Variants in DNAH11 observed in about 807,000 individuals in gnomAD.
The protein encoded by DNAH11 is dynein axonemal heavy chain 11.
In DNAH11, 442 loss-of-function variants were observed where a neutral mutation model predicts 526.0. That is an observed-to-expected ratio of 0.84 (90% CI 0.78 to 0.91). The LOEUF is 0.91. Among genes scored for constraint, DNAH11 ranks in the 40% least tolerant of loss-of-function variants. The pLI is 0.00. For synonymous variants in DNAH11, 2,461 were observed against 1,935.9 expected, an observed-to-expected ratio of 1.27 and a Z score of -7.12; for missense variants, 6,989 against 5,448.7, an observed-to-expected ratio of 1.28 and a Z score of -8.90.
intron 54 of DNAH11, among the ~76,000 whole-genome samples, chr7:21,756,481 C>CA (rs1203848752): frequency 6.6e-6 from 1 of 152,028 alleles, no homozygotes; most frequent in Non-Finnish European, 1.5e-5. Flanking sequence ...GATCACCTTC[C>CA]TTTTCTACAT....
chr7:21,848,728 T>C (rs1366105903), intron 66 of DNAH11, among the ~76,000 whole-genome samples: 1 of 152,166 alleles, frequency 6.6e-6, no homozygotes, highest in Non-Finnish European at 1.5e-5. Context: ...CTGCCTTCTT[T>C]GGTTTTAAGC....
At chr7:21,562,983 TACTTG>T (rs1197832562) in intron 5 of DNAH11, among the ~76,000 whole-genome samples, 1 of 152,146 alleles carries the variant, frequency 6.6e-6, no homozygotes, top group Non-Finnish European at 1.5e-5. Context: ...AACTAGAATT[TACTTG>T]ACTTTGTTCC....
intron 26 of DNAH11, 149 bp from the exon 27 acceptor site, chr7:21,637,462 G>A (rs2128459851): frequency 1.6e-6 from 1 of 612,430 alleles, no homozygotes; most frequent in South Asian, 2.3e-5. Context: ...AAAAGCAAAA[G>A]TAAACAGATG....
At chr7:21,794,168 G>A (rs1256100467) in intron 61 of DNAH11, among the ~76,000 whole-genome samples, 1 of 152,090 alleles carries the variant, frequency 6.6e-6, no homozygotes, top group East Asian at 1.9e-4. Context: ...TTATCTTGGA[G>A]TCGGCTGAGT....
At chr7:21,783,828 T>A (rs569980070) in intron 57 of DNAH11, among the ~76,000 whole-genome samples, 1 of 152,332 alleles carries the variant, frequency 6.6e-6, no homozygotes, top group South Asian at 2.1e-4. Flanking sequence ...AGATGTGGGC[T>A]CTTGCATCTC....
rs555149190 is a variant in DNAH11 at position 21,717,453 on chromosome 7, A to G, written c.6984-322A>G. ...CATAAATAAGGCCTACACTATGGGAATAGTTTCAGCCCTTCAGGAAATGAC... is the reference window on the plus strand; with the variant it reads ...CATAAATAAGGCCTACACTATGGGAGTAGTTTCAGCCCTTCAGGAAATGAC... On this transcript the variant is annotated intron_variant, in intron 42 of 81. Coordinates refer to ENST00000409508, the MANE Select transcript of DNAH11 (RefSeq NM_001277115.2). Among the ~76,000 whole-genome samples the G allele has an allele frequency of 1.4e-4, 22 of 152,296 alleles. No individual in the cohort carries two copies. The East Asian group carries it at 3.9e-3, about 27-fold the overall frequency.
rs548523600 is a variant in DNAH11 at position 21,709,260 on chromosome 7, A to G, written c.6684-1293A>G. Among the ~76,000 whole-genome samples, 4 of 152,352 alleles carry G rather than the reference A, an allele frequency of 2.6e-5. No homozygotes were observed. In the South Asian group the frequency reaches 8.3e-4, roughly 32 times the overall value. ...TGTAGCCATAAAAAAGGACAACATC[A>G]TGTTTTTTTCAGCAACATGGATGTA... On this transcript the variant is annotated intron_variant, in intron 40 of 81. Coordinates refer to ENST00000409508, the MANE Select transcript of DNAH11 (RefSeq NM_001277115.2).
At chr7:21,636,916 G>C (rs1390459560) in intron 26 of DNAH11, among the ~76,000 whole-genome samples, 17 of 152,142 alleles carry the variant, frequency 1.1e-4, no homozygotes, top group Admixed American at 1.0e-3. Flanking sequence ...TACTAGTTTC[G>C]GTTTTTCTTT....
chr7:21,686,191 C>T (rs1783368220), intron 32 of DNAH11, among the ~76,000 whole-genome samples: 1 of 152,128 alleles, frequency 6.6e-6, no homozygotes, highest in South Asian at 2.1e-4. Flanking sequence ...TTACCTTTGG[C>T]CTTCTGAATA....
At chr7:21,828,940 C>T (rs1790427504) in intron 65 of DNAH11, among the ~76,000 whole-genome samples, 1 of 152,000 alleles carries the variant, frequency 6.6e-6, no homozygotes. Context: ...GTTTTCTTTC[C>T]TTCTTTTCCT....
In DNAH11 at chr7:21,789,258, G is replaced by A. The variant is rs370271115; in HGVS notation, c.9942G>A (p.Glu3314=). 4.1e-5 allele frequency: 65 copies of A among 1,572,218 alleles called. No individual in the cohort carries two copies. The African/African-American group carries it at 7.3e-4, about 18-fold the overall frequency. Residue 3314 remains glutamate, a synonymous_variant, in exon 61 of 82, where the codon GAG becomes GAA. Coordinates refer to ENST00000409508, the MANE Select transcript of DNAH11 (RefSeq NM_001277115.2). ...ATTTTCAGGTCTACTGTGATGTGGA[G>A]CCAAAACGCCAAGCATTAGCCCAAG... The part of the protein sequence containing the change: ...IKFYEVYCDV[E]PKRQALAQAN...
In DNAH11 at chr7:21,789,150, A is replaced by C. The variant is rs188595652; in HGVS notation, c.9925-91A>C. On this transcript the variant is annotated intron_variant, in intron 60 of 81. Transcript: ENST00000409508. ...TAAAAAAAGAGAAGTTGCTAGATGAATTAGAGATTTTAATTGTAAAGCATC... is the reference window on the plus strand; with the variant it reads ...TAAAAAAAGAGAAGTTGCTAGATGACTTAGAGATTTTAATTGTAAAGCATC... 1.9e-5 allele frequency: 18 copies of C among 939,056 alleles called. No homozygotes were observed. The East Asian group carries it at 4.5e-4, about 24-fold the overall frequency. 58.2% of individuals were successfully genotyped at this position (939,056 alleles called of 1,614,324 possible).
intron 76 of DNAH11, among the ~76,000 whole-genome samples, chr7:21,888,814 T>C (rs1326160688): frequency 6.6e-6 from 1 of 152,182 alleles, no homozygotes; most frequent in Non-Finnish European, 1.5e-5. Context: ...TTTTTGATTA[T>C]ATTTTCATGA....
At chr7:21,814,135 A>G (rs905972909) in intron 63 of DNAH11, among the ~76,000 whole-genome samples, 1 of 152,144 alleles carries the variant, frequency 6.6e-6, no homozygotes, top group Non-Finnish European at 1.5e-5. Flanking sequence ...AATCTATCCA[A>G]ATATAGAAAA....
At chr7:21,695,305 A>G (rs571607585) in intron 35 of DNAH11, among the ~76,000 whole-genome samples, 2 of 152,334 alleles carry the variant, frequency 1.3e-5, no homozygotes, top group Admixed American at 1.3e-4. Flanking sequence ...AAGCAAAAAG[A>G]ATAAAGCTGG....
At chr7:21,571,102 C>T (rs1032291787) in intron 7 of DNAH11, among the ~76,000 whole-genome samples, 1 of 152,234 alleles carries the variant, frequency 6.6e-6, no homozygotes, top group African/African-American at 2.4e-5. Flanking sequence ...ATATGCCTTC[C>T]TTAACAGTTT....
chr7:21,600,966 G>GGCTTTTCACT, intron 16 of DNAH11, 36 bp downstream of exon 16: 1 of 1,611,330 alleles, frequency 6.2e-7, no homozygotes, highest in East Asian at 2.2e-5. Flanking sequence ...GTAGTGAAAT[G>GGCTTTTCACT]GCTTTTCACT....
chr7:21,838,025 A>G (rs1782059937), intron 65 of DNAH11, among the ~76,000 whole-genome samples: 2 of 152,236 alleles, frequency 1.3e-5, no homozygotes, highest in Admixed American at 1.3e-4. Context: ...AGGCTGAGTC[A>G]AAAGAACTAG....
At chr7:21,741,002 G>T (rs1383540574) in intron 48 of DNAH11, among the ~76,000 whole-genome samples, 1 of 152,048 alleles carries the variant, frequency 6.6e-6, no homozygotes, top group Non-Finnish European at 1.5e-5. Context: ...TGTGCTTATT[G>T]TTCATTTTTG....
Sources: gnomAD v4.1 joint callset for allele counts (sites outside exome capture counted in the v4.1 genomes callset) on GRCh38, gnomAD v4.1.1 for gene constraint, MANE v1.5 for transcripts, NCBI Gene and HGNC (gene_info 2026-07-23, HGNC 2026-07-21) for gene names.